The following ADARB2 variants were observed in gnomAD, a reference collection of about 807,000 sequenced individuals.
ADARB2 encodes the protein adenosine deaminase RNA specific B2 (inactive), also known as inactive double-stranded RNA-specific editase B2.
A neutral mutation model predicts 62.2 loss-of-function variants in ADARB2; 25 were observed. The ratio of observed to expected loss-of-function variants is 0.40; its 90% CI spans 0.29 to 0.56. The LOEUF (loss-of-function observed/expected upper bound fraction) is 0.56, where lower values mean the gene tolerates loss of function less well. Among genes scored for constraint, ADARB2 ranks in the 20% least tolerant of loss-of-function variants. The probability of loss-of-function intolerance (pLI) is 0.43; values close to 1 mark genes in which losing one functional copy is unlikely to be tolerated. For missense variants in ADARB2, 1,071 were observed against 1,077.4 expected (o/e 0.99, Z 0.08); for synonymous variants, 572 against 500.8 (o/e 1.14, Z -1.90).
intron 4 of ADARB2, among the ~76,000 whole-genome samples, chr10:1,260,694 G>A (rs1831127791): frequency 6.7e-6 from 1 of 149,600 alleles, no homozygotes; most frequent in Admixed American, 6.6e-5. Context: ...TCATGGGTAG[G>A]AAGAATCAAT....
At chr10:1,245,491 C>T (rs1245751849) in intron 4 of ADARB2, among the ~76,000 whole-genome samples, 1 of 135,714 alleles carries the variant, frequency 7.4e-6, no homozygotes, top group East Asian at 2.6e-4. Context: ...TCCCCCCTCC[C>T]CCCACCCCAC....
At chr10:1,620,064 C>T (rs1338360252) in intron 1 of ADARB2, among the ~76,000 whole-genome samples, 1 of 151,968 alleles carries the variant, frequency 6.6e-6, no homozygotes, top group African/African-American at 2.4e-5. Flanking sequence ...AAATTTATAG[C>T]TTTAAACACC....
chr10:1,292,435 C>T (rs1831474910), intron 3 of ADARB2: 1 of 152,168 alleles, frequency 6.6e-6, no homozygotes, highest in Admixed American at 6.5e-5. Context: ...TGACCTGAGG[C>T]CCTTCTCTAC....
intron 3 of ADARB2, among the ~76,000 whole-genome samples, chr10:1,314,219 A>G (rs1446833641): frequency 3.3e-5 from 5 of 152,074 alleles, no homozygotes; most frequent in South Asian, 2.1e-4. Context: ...GCTGCCAACC[A>G]TCAACACCTG....
At chr10:1,637,081 G>A (rs1421768161) in intron 1 of ADARB2, among the ~76,000 whole-genome samples, 2 of 151,960 alleles carry the variant, frequency 1.3e-5, no homozygotes, top group African/African-American at 4.8e-5. Flanking sequence ...AAATCTTACA[G>A]AATTAAAGGT....
intron 1 of ADARB2, among the ~76,000 whole-genome samples, chr10:1,734,316 T>TTTTTA (rs1835273781): frequency 7.3e-6 from 1 of 137,888 alleles, no homozygotes; most frequent in East Asian, 2.2e-4. Context: ...TTTTTTTTTT[T>TTTTTA]AAAGATACAT....
At chr10:1,431,445 GA>G (rs1830777170) in intron 1 of ADARB2, among the ~76,000 whole-genome samples, 2 of 152,136 alleles carry the variant, frequency 1.3e-5, no homozygotes, top group South Asian at 4.1e-4. Context: ...TACTGAGAGG[GA>G]AATTCATAGC....
chr10:1,606,797 C>T (rs2132018091), intron 1 of ADARB2, among the ~76,000 whole-genome samples: 1 of 152,238 alleles, frequency 6.6e-6, no homozygotes. Context: ...GAACAGAAGC[C>T]ATTGAAGCCA....
chr10:1,262,198 C>T (rs1188477415), intron 4 of ADARB2, among the ~76,000 whole-genome samples: 3 of 144,866 alleles, frequency 2.1e-5, no homozygotes, highest in East Asian at 2.0e-4. Flanking sequence ...TGCTAGATGA[C>T]GAGTTAGTGG....
intron 3 of ADARB2, among the ~76,000 whole-genome samples, chr10:1,310,058 T>C (rs1831674347): frequency 1.3e-5 from 2 of 152,246 alleles, no homozygotes; most frequent in South Asian, 4.1e-4. Flanking sequence ...CATTCTCCAA[T>C]TTCATCTGCT....
At chr10:1,493,844 C>T (rs555491153) in intron 1 of ADARB2, among the ~76,000 whole-genome samples, 2 of 140,076 alleles carry the variant, frequency 1.4e-5, no homozygotes, top group South Asian at 2.4e-4. Context: ...CTGCAACCTC[C>T]GCCTCCTGGG....
At chr10:1,478,224 G>C (rs1356854010) in intron 1 of ADARB2, among the ~76,000 whole-genome samples, 1 of 152,208 alleles carries the variant, frequency 6.6e-6, no homozygotes, top group Non-Finnish European at 1.5e-5. Context: ...TCTCTTTCAT[G>C]TCTCAGTAAA....
intron 1 of ADARB2, among the ~76,000 whole-genome samples, chr10:1,439,140 G>A (rs1375644088): frequency 6.9e-6 from 1 of 144,470 alleles, no homozygotes; most frequent in Non-Finnish European, 1.5e-5. Flanking sequence ...TCTCTCCCAG[G>A]ATGGAGGCAG....
Position 1,538,295 on chromosome 10 carries a change from G to A in ADARB2, c.101-159135C>T, listed in dbSNP as rs533339336. On this transcript the variant is annotated intron_variant, in intron 1 of 9. Coordinates refer to ENST00000381312, the MANE Select transcript of ADARB2 (RefSeq NM_018702.4). ...AGGAGGGAGCCCGTGGGTCTGTGCCGGCTGGTGGGTGTCCCACAGGGGTCT... is the reference window on the plus strand; with the variant it reads ...AGGAGGGAGCCCGTGGGTCTGTGCCAGCTGGTGGGTGTCCCACAGGGGTCT... 6.2e-4 allele frequency among the ~76,000 whole-genome samples: 95 copies of A among 152,306 alleles called. 2 individuals are homozygous for A. In the South Asian group the frequency reaches 0.017, roughly 27 times the overall value.
At position 1,183,175 on chromosome 10, in the gene ADARB2, C is replaced by T. The variant is rs113366929; in HGVS notation, c.*18G>A. On this transcript the variant is annotated 3_prime_UTR_variant, in exon 10 of 10. Coordinates refer to ENST00000381312, the MANE Select transcript of ADARB2 (RefSeq NM_018702.4). ...CCTCCAGCGTCCCGCTCAGCTCCAG[C>T]AGCCAGGAGCCCGCAGCCTAGAGAG... is the stretch of plus-strand genomic sequence containing the variant. 1.1e-3 allele frequency: 1,821 copies of T among 1,609,888 alleles called. 23 individuals are homozygous for T. In the African/African-American group the frequency reaches 0.017, roughly 15 times the overall value.
intron 1 of ADARB2, among the ~76,000 whole-genome samples, chr10:1,616,235 T>A (rs1833631200): frequency 6.6e-6 from 1 of 152,236 alleles, no homozygotes; most frequent in Admixed American, 6.5e-5. Flanking sequence ...TGTAACTGGA[T>A]TGAAATCATC....
intron 1 of ADARB2, among the ~76,000 whole-genome samples, chr10:1,454,532 T>C (rs56393440): frequency 0.059 from 9,052 of 152,260 alleles, 362 homozygotes; most frequent in East Asian, 0.13. Flanking sequence ...TGTTACAACA[T>C]GGATGAACCC....
chr10:1,604,186 T>G (rs1010161566), intron 1 of ADARB2, among the ~76,000 whole-genome samples: 3 of 152,170 alleles, frequency 2.0e-5, no homozygotes, highest in African/African-American at 7.2e-5. Context: ...AAAAATATAT[T>G]TTTTTCAGCT....
intron 8 of ADARB2, among the ~76,000 whole-genome samples, chr10:1,189,337 A>G (rs1054087208): frequency 2.2e-4 from 33 of 152,114 alleles, no homozygotes; most frequent in African/African-American, 8.0e-4. Context: ...TTGCTTGCTC[A>G]TGGTGTTCCT....
Sources: gnomAD v4.1 joint callset for allele counts (sites outside exome capture counted in the v4.1 genomes callset) on GRCh38, gnomAD v4.1.1 for gene constraint, MANE v1.5 for transcripts, NCBI Gene and HGNC (gene_info 2026-07-23, HGNC 2026-07-21) for gene names.